DAGLA: variants seen among roughly 807,000 people sequenced by gnomAD.
The protein encoded by DAGLA is diacylglycerol lipase alpha.
Under a neutral mutation model 102.6 loss-of-function variants are expected in DAGLA, and 22 were observed. The ratio of observed to expected loss-of-function variants is 0.21; its 90% CI spans 0.15 to 0.31. The LOEUF is 0.31. Ranked by LOEUF, DAGLA falls within the 10% of genes least tolerant of loss-of-function variation. The pLI is 1.00. For synonymous variants in DAGLA, 578 were observed against 628.9 expected (o/e 0.92, Z 1.21); for missense variants, 927 against 1,446.6 (o/e 0.64, Z 5.83).
intron 1 of DAGLA, among the ~76,000 whole-genome samples, chr11:61,687,085 G>A (rs1022263898): frequency 1.3e-5 from 2 of 152,194 alleles, no homozygotes; most frequent in Non-Finnish European, 2.9e-5. Flanking sequence ...CCAGGAGAGT[G>A]TATAGAGGAT....
At chr11:61,741,482 C>A in intron 19 of DAGLA, 133 bp downstream of exon 19, 1 of 1,001,604 alleles carries the variant, frequency 1.0e-6, no homozygotes, top group Non-Finnish European at 1.4e-6. Context: ...CAAACTCACC[C>A]TCTGTGCTCT....
At chr11:61,688,240 G>A (rs1297890834) in intron 1 of DAGLA, among the ~76,000 whole-genome samples, 6 of 151,496 alleles carry the variant, frequency 4.0e-5, no homozygotes, top group African/African-American at 1.5e-4. Context: ...GCGTGAATCC[G>A]GGAGGCGGAG....
chr11:61,736,400 C>G, intron 13 of DAGLA, 50 bp downstream of exon 13: 2 of 1,448,640 alleles, frequency 1.4e-6, no homozygotes, highest in Non-Finnish European at 1.9e-6. Context: ...GGTCCCCCTC[C>G]TCCAACGCAG....
chr11:61,717,989 G>A (rs992678545), intron 1 of DAGLA, among the ~76,000 whole-genome samples: 1 of 152,216 alleles, frequency 6.6e-6, no homozygotes, highest in African/African-American at 2.4e-5. Flanking sequence ...TGCAGAGTGA[G>A]TGTGTGTGTT....
chr11:61,690,549 C>A (rs1177609313), intron 1 of DAGLA, among the ~76,000 whole-genome samples: 1 of 152,150 alleles, frequency 6.6e-6, no homozygotes, highest in Non-Finnish European at 1.5e-5. Flanking sequence ...TAGACACTCA[C>A]CCCTCTAGGC....
At chr11:61,696,922 T>C (rs2065071983) in intron 1 of DAGLA, among the ~76,000 whole-genome samples, 1 of 151,824 alleles carries the variant, frequency 6.6e-6, no homozygotes, top group African/African-American at 2.4e-5. Flanking sequence ...GGTGTGGATC[T>C]GGGTGGTTTG....
At chr11:61,727,583 A>G (rs575371365) in intron 6 of DAGLA, among the ~76,000 whole-genome samples, 1 of 152,284 alleles carries the variant, frequency 6.6e-6, no homozygotes, top group Admixed American at 6.5e-5. Flanking sequence ...GGGCCTGGAG[A>G]GAAGCCATGG....
chr11:61,711,138 C>A (rs911452382), intron 1 of DAGLA, among the ~76,000 whole-genome samples: 2 of 152,146 alleles, frequency 1.3e-5, no homozygotes, highest in Non-Finnish European at 2.9e-5. Flanking sequence ...AGAAGACCAC[C>A]GGGGCAGGTA....
At position 61,720,228 on chromosome 11, in the gene DAGLA, C is replaced by T; in HGVS notation, c.73C>T (p.Leu25Phe). Residue 25 changes from leucine (L) to phenylalanine (F), a missense_variant, in exon 2 of 20, where the codon CTC (leucine) becomes TTC (phenylalanine). Coordinates refer to ENST00000257215, the MANE Select transcript of DAGLA (RefSeq NM_006133.3). ...TGACCTCGTCCTACCGGCCATCTTC[C>T]TCTTTCTCCTGCATACCACCTGGTG... ...SDDLVLPAIFLFLLHTTWFVI... is the reference protein window; with the variant it reads ...SDDLVLPAIFFFLLHTTWFVI... 6.2e-7 allele frequency: 1 copy of T among 1,613,972 alleles called. No individual in the cohort carries two copies. Among genetic ancestry groups the T allele is most frequent in the Non-Finnish European group, 8.5e-7 (1 of 1,180,030 alleles).
intron 1 of DAGLA, among the ~76,000 whole-genome samples, chr11:61,703,396 A>T (rs1357882902): frequency 7.5e-6 from 1 of 134,122 alleles, no homozygotes; most frequent in African/African-American, 2.8e-5. Context: ...TGTTTGAGCT[A>T]GGAGCTGAAT....
intron 19 of DAGLA, among the ~76,000 whole-genome samples, chr11:61,742,989 A>G (rs2065493875): frequency 6.6e-6 from 1 of 152,118 alleles, no homozygotes; most frequent in South Asian, 2.1e-4. Context: ...GCAGGGCCTT[A>G]GCCCCTCAGG....
intron 6 of DAGLA, among the ~76,000 whole-genome samples, chr11:61,727,394 G>A (rs566390555): frequency 5.2e-4 from 79 of 152,346 alleles, no homozygotes; most frequent in African/African-American, 6.0e-4. Context: ...ACTCAGGGGC[G>A]AGACCCAGTG....
In DAGLA at chr11:61,741,126, C is replaced by T. The variant is rs780521179; in HGVS notation, c.1984-36C>T. 54 of 1,577,706 alleles carry T rather than the reference C, an allele frequency of 3.4e-5. 1 individual carries two copies. In the South Asian group the frequency reaches 6.0e-4, roughly 18 times the overall value. On this transcript the variant is annotated intron_variant, in intron 18 of 19. Coordinates refer to ENST00000257215, the MANE Select transcript of DAGLA (RefSeq NM_006133.3). The stretch of plus-strand genomic sequence containing the variant: ...GGCCCCACGATGGGGCCTGATGTCC[C>T]TCCACCACCCCCAGCCTCCTCTGTC...
In DAGLA at chr11:61,736,334, C is replaced by G; in HGVS notation, c.1355C>G (p.Ala452Gly). The change falls in exon 13 of 20, where the codon GCC (alanine) becomes GGC (glycine). Residue 452 changes from alanine to glycine, a missense_variant. This residue lies in a region of DAGLA where 218 missense variants were observed against 459.6 expected (regional missense o/e 0.47). Coordinates refer to ENST00000257215, the MANE Select transcript of DAGLA (RefSeq NM_006133.3). ...KLEQEMVLSQ[A>G]FGRDLGRGTK... ...GAGCAGGAGATGGTCCTGTCCCAGG[C>G]CTTTGGGCGAGACCTGGTGAGGAAT... The G allele has an allele frequency of 1.2e-6, 2 of 1,614,020 alleles. No individual in the cohort carries two copies. Among genetic ancestry groups the G allele is most frequent in the Non-Finnish European group, 1.7e-6 (2 of 1,179,932 alleles).
intron 1 of DAGLA, among the ~76,000 whole-genome samples, chr11:61,693,184 C>T (rs1397663063): frequency 4.6e-5 from 7 of 151,800 alleles, no homozygotes; most frequent in Middle Eastern, 6.8e-3. Flanking sequence ...TTAGTACAGA[C>T]GGGGTTTCAC....
chr11:61,739,653 G>A lies in DAGLA; in HGVS notation c.1845G>A (p.Glu615=). Residue 615 remains glutamate (E), a synonymous_variant, in exon 17 of 20, where the codon GAG becomes GAA. Coordinates refer to ENST00000257215, the MANE Select transcript of DAGLA (RefSeq NM_006133.3). ...IIHVVHNHPA[E]QCCCCEQEEP... ...ACGTGGTCCACAACCACCCTGCAGAGCAGTGCTGGTAGGTTCTGCCAGGGT... is the reference window on the plus strand; with the variant it reads ...ACGTGGTCCACAACCACCCTGCAGAACAGTGCTGGTAGGTTCTGCCAGGGT... The A allele has an allele frequency of 6.2e-7, 1 of 1,613,812 alleles. No homozygotes were observed. Among genetic ancestry groups the A allele is most frequent in the Admixed American group, 1.7e-5 (1 of 60,028 alleles).
chr11:61,720,153 G>T lies in DAGLA; in HGVS notation c.-3G>T. 6.2e-7 allele frequency: 1 copy of T among 1,612,188 alleles called. No individual in the cohort carries two copies. Among genetic ancestry groups the T allele is most frequent in the Non-Finnish European group, 8.5e-7 (1 of 1,180,030 alleles). On this transcript the variant is annotated 5_prime_UTR_variant, in exon 2 of 20. Transcript: ENST00000257215. Reference sequence around the variant, plus strand: ...CCACTGAGCCTCTGCAGAGCCACCAGCCATGCCCGGGATCGTGGTGTTCCG... The same window carrying T: ...CCACTGAGCCTCTGCAGAGCCACCATCCATGCCCGGGATCGTGGTGTTCCG...
rs756513296 is a variant in DAGLA, at chr11:61,744,069, G to A, written c.2709G>A (p.Gly903=). The A allele has an allele frequency of 2.5e-6, 4 of 1,612,856 alleles. No individual in the cohort carries two copies. The highest frequency in any genetic ancestry group is 1.3e-5 in the African/African-American group (1 of 75,030). ...TGGCGCTGCACAATGGGCGCCTGGG[G>A]GACTCGCCCAGTCCTCAGGTGCTGG... is the stretch of plus-strand genomic sequence containing the variant. ...GELALHNGRL[G]DSPSPQVLEF... The change falls in exon 20 of 20, where the codon GGG becomes GGA. Residue 903 remains glycine (G), a synonymous_variant. Transcript: ENST00000257215.
At chr11:61,709,976 C>G (rs1022015584) in intron 1 of DAGLA, among the ~76,000 whole-genome samples, 1 of 152,132 alleles carries the variant, frequency 6.6e-6, no homozygotes, top group African/African-American at 2.4e-5. Context: ...CAACCCACAG[C>G]CTGAGGAGAG....
Sources: gnomAD v4.1 joint callset for allele counts (sites outside exome capture counted in the v4.1 genomes callset) on GRCh38, gnomAD v4.1.1 for gene constraint, gnomAD v4.1.1 regional missense constraint, MANE v1.5 for transcripts, NCBI Gene and HGNC (gene_info 2026-07-23, HGNC 2026-07-21) for gene names.